Variants in P2RY14 observed in about 807,000 individuals in gnomAD.
P2RY14 encodes purinergic receptor P2Y14, also known as P2Y purinoceptor 14.
A neutral mutation model predicts 0.9 loss-of-function variants in P2RY14; 2 were observed. That is an observed-to-expected ratio of 2.16 (90% CI 0.88 to 6.79). The LOEUF is 6.79. Ranked by LOEUF, P2RY14 falls within the 30% of genes most tolerant of loss-of-function variation. The pLI, the probability that P2RY14 is intolerant of heterozygous loss-of-function variation, is 0.05. For missense variants in P2RY14, 378 were observed against 400.1 expected (o/e 0.94, Z 0.47); for synonymous variants, 158 against 147.2 (o/e 1.07, Z -0.53).
At chr3:151,270,241 G>GTGTGTGTGTGTGTA (rs1247181043) in intron 1 of P2RY14, 2 of 157,022 alleles carry the variant, frequency 1.3e-5, no homozygotes, top group Non-Finnish European at 2.7e-5. Context: ...GTGTGTGTGT[G>GTGTGTGTGTGTGTA]TTTTCTTTTG....
chr3:151,232,298 C>T (rs111586115), intron 1 of P2RY14, among the ~76,000 whole-genome samples: 1 of 152,296 alleles, frequency 6.6e-6, no homozygotes, highest in South Asian at 2.1e-4. Context: ...AACTCATTTA[C>T]CCTCCCACCA....
intron 1 of P2RY14, among the ~76,000 whole-genome samples, chr3:151,252,857 G>A (rs974654851): frequency 2.0e-5 from 3 of 151,998 alleles, no homozygotes; most frequent in African/African-American, 7.2e-5. Context: ...TGGTATTTGG[G>A]GTTGTGTGGA....
chr3:151,221,195 G>A (rs1159552698), intron 1 of P2RY14, among the ~76,000 whole-genome samples: 1 of 152,156 alleles, frequency 6.6e-6, no homozygotes. Flanking sequence ...AAATTTCTAA[G>A]CAGCAAAGCA....
At chr3:151,253,651 T>C (rs1480335687) in intron 1 of P2RY14, among the ~76,000 whole-genome samples, 1 of 152,170 alleles carries the variant, frequency 6.6e-6, no homozygotes, top group Non-Finnish European at 1.5e-5. Flanking sequence ...TTTTTTCTTT[T>C]TTTGTGAGGG....
intron 1 of P2RY14, among the ~76,000 whole-genome samples, chr3:151,245,604 T>A (rs1443230837): frequency 1.0e-4 from 15 of 150,382 alleles, no homozygotes; most frequent in African/African-American, 3.7e-4. Flanking sequence ...AAATTAGGTA[T>A]TGATGGGATG....
At position 151,213,834 on chromosome 3, in the gene P2RY14, G is replaced by T; in HGVS notation, c.483C>A (p.Asn161Lys). The T allele has an allele frequency of 1.9e-6, 3 of 1,614,086 alleles. No individual in the cohort carries two copies. The highest frequency in any genetic ancestry group is 2.5e-6 in the Non-Finnish European group (3 of 1,179,990). ...LLAVPNIILT[N>K]QSVREVTQIK... Reference sequence around the variant, plus strand: ...TTTGTGTAACCTCCCTAACACTCTGGTTGGTGAGAATAATATTTGGAACAG... The same window carrying T: ...TTTGTGTAACCTCCCTAACACTCTGTTTGGTGAGAATAATATTTGGAACAG... The change falls in exon 3 of 3, where the codon AAC (asparagine) becomes AAA (lysine). Residue 161 changes from asparagine to lysine, a missense_variant. Coordinates refer to ENST00000309170, the MANE Select transcript of P2RY14 (RefSeq NM_014879.4).
intron 1 of P2RY14, among the ~76,000 whole-genome samples, chr3:151,252,561 C>T (rs2149456797): frequency 6.6e-6 from 1 of 152,184 alleles, no homozygotes; most frequent in Admixed American, 6.5e-5. Flanking sequence ...TGTGTTGCTT[C>T]CTTAATTTTC....
chr3:151,246,627 G>A (rs1382476298), intron 1 of P2RY14, among the ~76,000 whole-genome samples: 1 of 152,086 alleles, frequency 6.6e-6, no homozygotes, highest in African/African-American at 2.4e-5. Context: ...AATTCAAGAT[G>A]GATTAAAGAC....
rs749117052 is a variant in P2RY14, at chr3:151,213,816, A to T, written c.501T>A (p.Val167=). 1.1e-5 allele frequency: 18 copies of T among 1,614,080 alleles called. No homozygotes were observed. The change falls in exon 3 of 3, where the codon GTT becomes GTA. Residue 167 remains valine (V), a synonymous_variant. Coordinates refer to ENST00000309170, the MANE Select transcript of P2RY14 (RefSeq NM_014879.4). The part of the protein sequence containing the change: ...IILTNQSVRE[V]TQIKCIELKS... ...TCAGTTCTATACATTTTATTTGTGT[A>T]ACCTCCCTAACACTCTGGTTGGTGA... is the stretch of plus-strand genomic sequence containing the variant.
intron 1 of P2RY14, among the ~76,000 whole-genome samples, chr3:151,236,059 A>G (rs1029188241): frequency 2.0e-5 from 3 of 152,120 alleles, no homozygotes; most frequent in Non-Finnish European, 2.9e-5. Flanking sequence ...CTCTCCCCCT[A>G]TTCTTACATA....
intron 2 of P2RY14, among the ~76,000 whole-genome samples, chr3:151,217,927 C>T (rs1728556886): frequency 6.6e-6 from 1 of 152,026 alleles, no homozygotes; most frequent in African/African-American, 2.4e-5. Flanking sequence ...TCTCTTAAGG[C>T]AAGTAAGACC....
chr3:151,261,682 G>A (rs1163628353), intron 1 of P2RY14, among the ~76,000 whole-genome samples: 2 of 120,864 alleles, frequency 1.7e-5, no homozygotes, highest in African/African-American at 6.4e-5. Context: ...CCAGTGGTAC[G>A]TGGTGTTTTG....
intron 1 of P2RY14, among the ~76,000 whole-genome samples, chr3:151,255,224 G>C (rs1206612952): frequency 2.0e-5 from 3 of 152,026 alleles, no homozygotes; most frequent in East Asian, 1.9e-4. Context: ...CCATATAACA[G>C]GGGATGTGAG....
At chr3:151,233,750 A>AAACAAT (rs1396973329) in intron 1 of P2RY14, among the ~76,000 whole-genome samples, 26 of 152,268 alleles carry the variant, frequency 1.7e-4, no homozygotes, top group African/African-American at 6.3e-4. Context: ...ACAAAAACAA[A>AAACAAT]AACACAGCAC....
chr3:151,257,977 G>C (rs903248084), intron 1 of P2RY14, among the ~76,000 whole-genome samples: 1 of 152,120 alleles, frequency 6.6e-6, no homozygotes, highest in South Asian at 2.1e-4. Flanking sequence ...GATAACATAA[G>C]AAACAATTTG....
chr3:151,278,056 T>A (rs1003208759), intron 1 of P2RY14, among the ~76,000 whole-genome samples: 2 of 152,222 alleles, frequency 1.3e-5, no homozygotes, highest in African/African-American at 4.8e-5. Flanking sequence ...CGATTGGAAA[T>A]CCTAAATCAT....
At chr3:151,228,584 C>T (rs1026989185) in intron 1 of P2RY14, among the ~76,000 whole-genome samples, 18 of 152,290 alleles carry the variant, frequency 1.2e-4, no homozygotes, top group Admixed American at 9.8e-4. Context: ...AGTGCTTGAA[C>T]AAGGGACAAA....
intron 1 of P2RY14, among the ~76,000 whole-genome samples, chr3:151,242,213 G>A (rs1167516942): frequency 6.6e-6 from 1 of 152,242 alleles, no homozygotes; most frequent in Non-Finnish European, 1.5e-5. Context: ...GCCCGCCATT[G>A]CCCAGGCTTG....
chr3:151,264,029 T>C (rs1289839658), intron 1 of P2RY14, among the ~76,000 whole-genome samples: 1 of 152,252 alleles, frequency 6.6e-6, no homozygotes, highest in African/African-American at 2.4e-5. Context: ...ATGGTGACTT[T>C]TCCATTTCAG....
Sources: allele counts gnomAD v4.1 joint callset (sites outside exome capture counted in the v4.1 genomes callset), GRCh38; gene constraint gnomAD v4.1.1; transcripts MANE v1.5; gene names NCBI Gene and HGNC (gene_info 2026-07-23, HGNC 2026-07-21).